Variants in SORCS2 observed in about 807,000 individuals in gnomAD.
SORCS2 encodes sortilin related VPS10 domain containing receptor 2, also known as VPS10 domain-containing receptor SorCS2.
In SORCS2, 100 loss-of-function variants were observed where a neutral mutation model predicts 141.6. The ratio of observed to expected loss-of-function variants is 0.71; its 90% CI spans 0.60 to 0.83. The LOEUF (loss-of-function observed/expected upper bound fraction) is 0.83, where lower values mean the gene tolerates loss of function less well. Among genes scored for constraint, SORCS2 ranks in the 40% least tolerant of loss-of-function variants. The probability of loss-of-function intolerance (pLI) is 0.00; values close to 1 mark genes in which losing one functional copy is unlikely to be tolerated. For missense variants in SORCS2, 1,646 were observed against 1,560.2 expected, an observed-to-expected ratio of 1.05 and a Z score of -0.93; for synonymous variants, 789 against 676.9, an observed-to-expected ratio of 1.17 and a Z score of -2.57.
chr4:7,494,005 ACACACACACACATT>A (rs1256017731), intron 2 of SORCS2, among the ~76,000 whole-genome samples: 1 of 145,764 alleles, frequency 6.9e-6, no homozygotes, highest in Non-Finnish European at 1.5e-5. Context: ...ATACACACAA[ACACACACACACATT>A]CACACACACA....
intron 1 of SORCS2, among the ~76,000 whole-genome samples, chr4:7,353,889 T>C (rs1721098200): frequency 6.6e-6 from 1 of 152,200 alleles, no homozygotes; most frequent in South Asian, 2.1e-4. Context: ...TGGGAAAGCA[T>C]AATGGTTTCA....
intron 3 of SORCS2, among the ~76,000 whole-genome samples, chr4:7,597,103 G>A (rs1717319868): frequency 6.6e-6 from 1 of 151,738 alleles, no homozygotes; most frequent in Non-Finnish European, 1.5e-5. Context: ...TGAAAAGACT[G>A]TTGAAATAAG....
chr4:7,540,728 C>G (rs1036156942), intron 3 of SORCS2, among the ~76,000 whole-genome samples: 8 of 152,200 alleles, frequency 5.3e-5, no homozygotes, highest in African/African-American at 1.9e-4. Flanking sequence ...GGAGAACAGG[C>G]TTTACGGAGA....
intron 1 of SORCS2, among the ~76,000 whole-genome samples, chr4:7,250,456 G>A (rs546928467): frequency 1.4e-4 from 21 of 152,268 alleles, no homozygotes; most frequent in Non-Finnish European, 2.4e-4. Flanking sequence ...GAGACATTTC[G>A]TTGTGAGTAT....
chr4:7,329,232 C>T (rs932909613), intron 1 of SORCS2, among the ~76,000 whole-genome samples: 5 of 152,172 alleles, frequency 3.3e-5, no homozygotes, highest in Admixed American at 6.5e-5. Context: ...CAGGCGGGCC[C>T]GGGGCCTGGG....
At chr4:7,575,748 G>A (rs571076367) in intron 3 of SORCS2, among the ~76,000 whole-genome samples, 10 of 152,286 alleles carry the variant, frequency 6.6e-5, no homozygotes, top group Admixed American at 1.3e-4. Flanking sequence ...AGTGCTGACC[G>A]GTGTGTTTAC....
At chr4:7,245,800 G>A (rs1319261322) in intron 1 of SORCS2, among the ~76,000 whole-genome samples, 1 of 152,138 alleles carries the variant, frequency 6.6e-6, no homozygotes, top group African/African-American at 2.4e-5. Flanking sequence ...AGGGACATGG[G>A]TGCTGTCCCT....
Position 7,638,467 on chromosome 4 carries a change from T to G in SORCS2, c.788T>G (p.Val263Gly). Residue 263 changes from valine (V) to glycine (G), a missense_variant, in exon 4 of 27, where the codon GTC (valine) becomes GGC (glycine). Val to Gly is a moderately radical substitution (Grantham distance 109). Transcript: ENST00000507866. ...LIFHPKEEDK[V>G]LAYTKESKLY... The stretch of plus-strand genomic sequence containing the variant: ...TTCCACCCTAAGGAGGAGGACAAGG[T>G]CCTCGCCTACACAAAGGAGAGCAAG... The G allele has an allele frequency of 1.2e-6, 2 of 1,609,442 alleles. No homozygotes were observed. Among genetic ancestry groups the G allele is most frequent in the Non-Finnish European group, 1.7e-6 (2 of 1,178,128 alleles).
At position 7,321,893 on chromosome 4, in the gene SORCS2, C is replaced by T. The variant is rs377082282; in HGVS notation, c.481-74395C>T. ...GGGCCCTGAGGGCTGGAAAGGTGTT[C>T]GATTTTACTTTACCTGCAAGGGGCA... On this transcript the variant is annotated intron_variant, in intron 1 of 26. Coordinates refer to ENST00000507866, the MANE Select transcript of SORCS2 (RefSeq NM_020777.3). Among the ~76,000 whole-genome samples the T allele has an allele frequency of 3.4e-4, 52 of 152,120 alleles. 1 individual carries two copies. In the East Asian group the frequency reaches 8.3e-3, roughly 24 times the overall value.
rs7699092 is a variant in SORCS2, at chr4:7,250,597, G to A, written c.480+57471G>A. Among the ~76,000 whole-genome samples the A allele has an allele frequency of 8.8e-3, 1,336 of 152,360 alleles. 13 individuals carry two copies. The highest frequency in any genetic ancestry group is 0.031 in the Middle Eastern group (9 of 294). ...CCCGTGATATTCTGCAGGTCTCCCC[G>A]GCTGAGAGGCAGATGTTGAGGCCAT... is the stretch of plus-strand genomic sequence containing the variant. On this transcript the variant is annotated intron_variant, in intron 1 of 26. Coordinates refer to ENST00000507866, the MANE Select transcript of SORCS2 (RefSeq NM_020777.3).
At chr4:7,338,219 TGGATGGATGTC>T (rs774043620) in intron 1 of SORCS2, among the ~76,000 whole-genome samples, 3 of 144,040 alleles carry the variant, frequency 2.1e-5, no homozygotes, top group Non-Finnish European at 4.5e-5. Flanking sequence ...GATGGATGGA[TGGATGGATGTC>T]GGATGGAAGG....
At chr4:7,218,953 G>T (rs1198292073) in intron 1 of SORCS2, among the ~76,000 whole-genome samples, 1 of 152,144 alleles carries the variant, frequency 6.6e-6, no homozygotes, top group Admixed American at 6.5e-5. Context: ...GTGCTCCCGT[G>T]CACTCGGCCA....
chr4:7,436,278 G>C (rs1727293561), intron 2 of SORCS2, among the ~76,000 whole-genome samples: 1 of 152,230 alleles, frequency 6.6e-6, no homozygotes, highest in Non-Finnish European at 1.5e-5. Flanking sequence ...ACTTGGCTCA[G>C]CCAAGCACGT....
intron 1 of SORCS2, among the ~76,000 whole-genome samples, chr4:7,359,072 G>A (rs1471451320): frequency 6.6e-6 from 1 of 152,250 alleles, no homozygotes; most frequent in Non-Finnish European, 1.5e-5. Flanking sequence ...GAGGCAGGGG[G>A]ATCATCTGAG....
chr4:7,258,212 G>A (rs1032654578), intron 1 of SORCS2, among the ~76,000 whole-genome samples: 16 of 152,052 alleles, frequency 1.1e-4, no homozygotes, highest in East Asian at 3.9e-4. Flanking sequence ...GGTTTGTTAC[G>A]TAGGTACACA....
chr4:7,351,101 A>G (rs1720912204), intron 1 of SORCS2, among the ~76,000 whole-genome samples: 1 of 152,168 alleles, frequency 6.6e-6, no homozygotes, highest in Non-Finnish European at 1.5e-5. Flanking sequence ...GGTGACCAAC[A>G]CACGCTACAC....
Position 7,635,807 on chromosome 4 carries a change from G to A in SORCS2, c.649-2521G>A, listed in dbSNP as rs78102512. Among the ~76,000 whole-genome samples the A allele has an allele frequency of 8.7e-3, 1,318 of 152,232 alleles. 11 individuals carry two copies. The highest frequency in any genetic ancestry group is 0.015 in the Non-Finnish European group (1,034 of 68,006). The stretch of plus-strand genomic sequence containing the variant: ...AGGGACAAAAGTCGTCCAAGGAATC[G>A]CTCTCCACGGAGGCCACATCTTTCT... On this transcript the variant is annotated intron_variant, in intron 3 of 26. Transcript: ENST00000507866.
rs74635805 is a variant in SORCS2, at chr4:7,457,393, C to T, written c.548+61038C>T. ...CGAGTGGCTTTTGGCCAGGGAGCCG[C>T]GTGCCCCAGTGAACATCGCAAGCTG... On this transcript the variant is annotated intron_variant, in intron 2 of 26. Coordinates refer to ENST00000507866, the MANE Select transcript of SORCS2 (RefSeq NM_020777.3). 9.9e-3 allele frequency among the ~76,000 whole-genome samples: 1,507 copies of T among 152,316 alleles called. 26 individuals are homozygous for T. Among genetic ancestry groups the T allele is most frequent in the African/African-American group, 0.035 (1,435 of 41,570 alleles).
chr4:7,680,729 T>A (rs1034357787), intron 9 of SORCS2, among the ~76,000 whole-genome samples: 1 of 152,248 alleles, frequency 6.6e-6, no homozygotes, highest in Non-Finnish European at 1.5e-5. Flanking sequence ...GGCTCCTGAC[T>A]CTGTCTGCCT....
Sources: allele counts gnomAD v4.1 joint callset (sites outside exome capture counted in the v4.1 genomes callset), GRCh38; gene constraint gnomAD v4.1.1; transcripts MANE v1.5; gene names NCBI Gene and HGNC (gene_info 2026-07-23, HGNC 2026-07-21).